NLGN4X: variants seen among roughly 807,000 people sequenced by gnomAD.
NLGN4X encodes the protein neuroligin-4, X-linked.
In NLGN4X, 3 loss-of-function variants were observed where a neutral mutation model predicts 40.3. The ratio of observed to expected loss-of-function variants is 0.07; its 90% CI spans 0.03 to 0.19. NLGN4X has a LOEUF of 0.19. Ranked by LOEUF, NLGN4X falls within the 10% of genes least tolerant of loss-of-function variation. The pLI is 1.00. For missense variants in NLGN4X, 382 were observed against 708.3 expected (o/e 0.54, Z 5.23); for synonymous variants, 270 against 306.8 (o/e 0.88, Z 1.25).
At chrX:5,970,075 T>C (rs769459529) in intron 3 of NLGN4X, among the ~76,000 whole-genome samples, 5 of 107,962 alleles carry the variant, frequency 4.6e-5, no homozygotes, top group Admixed American at 3.0e-4. Context: ...CTAATGTTAA[T>C]TGACGAGTTA....
chrX:5,907,641 T>A (rs983379220), intron 4 of NLGN4X, among the ~76,000 whole-genome samples: 87 of 110,839 alleles, frequency 7.8e-4, no homozygotes, highest in Non-Finnish European at 1.4e-3. Flanking sequence ...CAACATCAGC[T>A]TTTTCCAGGT....
chrX:6,210,151 G>A, intron 1 of NLGN4X, among the ~76,000 whole-genome samples: 1 of 111,689 alleles, frequency 9.0e-6, no homozygotes, highest in East Asian at 2.8e-4. Flanking sequence ...ATGCAATGTG[G>A]AGTTCAATAG....
At chrX:6,225,783 C>T (rs1438725086) in intron 1 of NLGN4X, among the ~76,000 whole-genome samples, 2 of 90,243 alleles carry the variant, frequency 2.2e-5, no homozygotes, top group Non-Finnish European at 4.2e-5. Context: ...ACGCACACCA[C>T]CCCCTTTCAA....
Position 5,901,235 on chromosome X carries a change from A to G in NLGN4X, c.1601+1842T>C, listed in dbSNP as rs142184831. On this transcript the variant is annotated intron_variant, in intron 5 of 5. Coordinates refer to ENST00000381095, the MANE Select transcript of NLGN4X (RefSeq NM_181332.3). ...TATGCCAGCTGCTAAACACGTAGGC[A>G]TTGAAACCACCAGCATCCCCAGATC... Among the ~76,000 whole-genome samples the G allele has an allele frequency of 4.0e-3, 448 of 112,424 alleles. 1 individual carries two copies. The highest frequency in any genetic ancestry group is 0.014 in the African/African-American group (425 of 30,990).
chrX:5,973,101 T>C (rs1403693146), intron 3 of NLGN4X, among the ~76,000 whole-genome samples: 4 of 112,624 alleles, frequency 3.6e-5, no homozygotes, highest in African/African-American at 1.3e-4. Context: ...CCTAAGTAGA[T>C]TTTTAAACAG....
chrX:5,921,150 T>TATATATATATATATATATATATAC (rs1569131516), intron 3 of NLGN4X, among the ~76,000 whole-genome samples: 5 of 59,913 alleles, frequency 8.3e-5, no homozygotes, highest in African/African-American at 4.5e-4. Context: ...TATATATACA[T>TATATATATATATATATATATATAC]ATATATATAT....
intron 2 of NLGN4X, among the ~76,000 whole-genome samples, chrX:6,049,730 TGGGG>T (rs34737559): frequency 1.2e-3 from 18 of 14,402 alleles, no homozygotes; most frequent in Middle Eastern, 0.031. Flanking sequence ...AAAAATAAAA[TGGGG>T]GGGGGGGGCG....
rs775843659 is a variant in NLGN4X, at chrX:5,893,630, G to A, written c.1638C>T (p.Phe546=). 3 of 1,209,349 alleles carry A rather than the reference G, an allele frequency of 2.5e-6. No individual in the cohort carries two copies. The highest frequency in any genetic ancestry group is 3.4e-6 in the Non-Finnish European group (3 of 895,053). Residue 546 remains phenylalanine (F), a synonymous_variant, in exon 6 of 6, where the codon TTC becomes TTT. Transcript: ENST00000381095. The part of the protein sequence containing the change: ...PNQPVPQDTK[F]IHTKPNRFEE... ...CAAAGCGGTTGGGTTTTGTGTGAATGAACTTGGTATCCTGAGGAACTGGTT... is the reference window on the plus strand; with the variant it reads ...CAAAGCGGTTGGGTTTTGTGTGAATAAACTTGGTATCCTGAGGAACTGGTT...
At chrX:6,001,309 C>T (rs1359386902) in intron 3 of NLGN4X, among the ~76,000 whole-genome samples, 1 of 111,917 alleles carries the variant, frequency 8.9e-6, no homozygotes, top group East Asian at 2.8e-4. Context: ...ACTATGTGAA[C>T]TGTATAAACC....
chrX:6,170,707 CA>C (rs1202287934), intron 1 of NLGN4X, among the ~76,000 whole-genome samples: 1 of 112,288 alleles, frequency 8.9e-6, no homozygotes, highest in Non-Finnish European at 1.9e-5. Context: ...TTCTCCTCTC[CA>C]AATATATGCT....
At chrX:6,147,655 ATC>A (rs762478798) in intron 2 of NLGN4X, among the ~76,000 whole-genome samples, 44 of 97,190 alleles carry the variant, frequency 4.5e-4, no homozygotes, top group Admixed American at 1.6e-3. Flanking sequence ...TCTCTCTGCT[ATC>A]TCTCTCTCTC....
At chrX:6,216,425 A>G (rs1404568324) in intron 1 of NLGN4X, among the ~76,000 whole-genome samples, 3 of 111,935 alleles carry the variant, frequency 2.7e-5, no homozygotes, top group Non-Finnish European at 5.6e-5. Flanking sequence ...ACAACTGACC[A>G]CTACATGGAA....
intron 3 of NLGN4X, among the ~76,000 whole-genome samples, chrX:5,974,338 T>A (rs995991241): frequency 8.9e-6 from 1 of 111,777 alleles, no homozygotes; most frequent in African/African-American, 3.3e-5. Flanking sequence ...AAATAGCACA[T>A]TGAAGAAAAA....
At chrX:6,118,283 G>A (rs1009420926) in intron 2 of NLGN4X, among the ~76,000 whole-genome samples, 2 of 110,905 alleles carry the variant, frequency 1.8e-5, no homozygotes, top group African/African-American at 6.6e-5. Flanking sequence ...TATCTCCAGC[G>A]TAGACCTCTC....
chrX:6,108,340 TA>T (rs1168238483), intron 2 of NLGN4X, among the ~76,000 whole-genome samples: 1 of 111,638 alleles, frequency 9.0e-6, no homozygotes, highest in Non-Finnish European at 1.9e-5. Flanking sequence ...GAATTATTAT[TA>T]AATATTATTT....
At chrX:6,154,454 G>A (rs2040223148) in intron 1 of NLGN4X, among the ~76,000 whole-genome samples, 1 of 110,315 alleles carries the variant, frequency 9.1e-6, no homozygotes, top group African/African-American at 3.3e-5. Flanking sequence ...TCAATCAAAT[G>A]TGCATTATCA....
At chrX:6,176,043 G>A (rs954419697) in intron 1 of NLGN4X, among the ~76,000 whole-genome samples, 34 of 111,454 alleles carry the variant, frequency 3.1e-4, no homozygotes, top group African/African-American at 9.1e-4. Flanking sequence ...CACAGCGAGC[G>A]GGGTCAACAA....
intron 1 of NLGN4X, among the ~76,000 whole-genome samples, chrX:6,161,656 G>A (rs911228605): frequency 2.8e-5 from 3 of 107,825 alleles, no homozygotes; most frequent in African/African-American, 1.0e-4. Flanking sequence ...ATATTTAGGA[G>A]TTTAATTGCT....
rs776492910 is a variant in NLGN4X at position 6,087,367 on chromosome X, A to T, written c.473-57935T>A. Among the ~76,000 whole-genome samples the T allele has an allele frequency of 2.7e-5, 3 of 112,166 alleles. No individual in the cohort carries two copies. The East Asian group carries it at 8.4e-4, about 32-fold the overall frequency. The stretch of plus-strand genomic sequence containing the variant: ...CATATGTGTATGGATACTATTGTGC[A>T]TTCATATCTATGTATATATACAAGT... On this transcript the variant is annotated intron_variant, in intron 2 of 5. Transcript: ENST00000381095.
Sources: allele counts gnomAD v4.1 joint callset (sites outside exome capture counted in the v4.1 genomes callset), GRCh38; gene constraint gnomAD v4.1.1; transcripts MANE v1.5; gene names NCBI Gene and HGNC (gene_info 2026-07-23, HGNC 2026-07-21).